The following FAF1 variants were observed in gnomAD, a reference collection of about 807,000 sequenced individuals.
FAF1 encodes Fas associated factor 1.
FAF1 carries 25 observed loss-of-function variants against 92.5 expected under a neutral mutation model. That is an observed-to-expected ratio of 0.27 (90% CI 0.20 to 0.38). The LOEUF is 0.38. Ranked by LOEUF, FAF1 falls within the 10% of genes least tolerant of loss-of-function variation. FAF1 has a pLI of 1.00. For synonymous variants in FAF1, 234 were observed against 273.2 expected (o/e 0.86, Z 1.42); for missense variants, 636 against 793.3 (o/e 0.80, Z 2.38).
At chr1:50,845,938 C>T (rs1644295193) in intron 2 of FAF1, among the ~76,000 whole-genome samples, 1 of 151,936 alleles carries the variant, frequency 6.6e-6, no homozygotes, top group South Asian at 2.1e-4. Context: ...ACCTGGCCAA[C>T]ATGAGGAAAC....
intron 4 of FAF1, among the ~76,000 whole-genome samples, chr1:50,760,435 A>C (rs1488539010): frequency 6.6e-6 from 1 of 152,200 alleles, no homozygotes; most frequent in African/African-American, 2.4e-5. Flanking sequence ...ACATAGATGG[A>C]AGTAAAGCTC....
At chr1:50,828,691 A>G (rs1254214872) in intron 2 of FAF1, among the ~76,000 whole-genome samples, 1 of 152,236 alleles carries the variant, frequency 6.6e-6, no homozygotes, top group Admixed American at 6.5e-5. Context: ...TTAAATATAA[A>G]AGGTAAAAAC....
At chr1:50,499,887 C>G (rs1001648923) in intron 15 of FAF1, among the ~76,000 whole-genome samples, 1 of 152,046 alleles carries the variant, frequency 6.6e-6, no homozygotes, top group East Asian at 1.9e-4. Flanking sequence ...AACAAATACT[C>G]AGAACTTACA....
chr1:50,936,496 A>G (rs1645086145), intron 1 of FAF1, among the ~76,000 whole-genome samples: 2 of 152,210 alleles, frequency 1.3e-5, no homozygotes, highest in Non-Finnish European at 2.9e-5. Flanking sequence ...ACACAAAATG[A>G]CGTAAGTTCA....
At chr1:50,601,606 C>A (rs192378778) in intron 8 of FAF1, among the ~76,000 whole-genome samples, 2 of 151,900 alleles carry the variant, frequency 1.3e-5, no homozygotes, top group Non-Finnish European at 2.9e-5. Context: ...TGTTTGAACC[C>A]GGGAGGCAGA....
chr1:50,959,693 GGAA>G lies in FAF1; in HGVS notation c.45+71_45+73del, dbSNP rs1645299514. On this transcript the variant is annotated intron_variant, in intron 1 of 18. Coordinates refer to ENST00000396153, the MANE Select transcript of FAF1 (RefSeq NM_007051.3). ...ACACCACTGCAGCGTTCAAACGCTGGGAAGAAGACTCCCTTGTGGCACCGGAAA... is the reference window on the plus strand; with the variant it reads ...ACACCACTGCAGCGTTCAAACGCTGGGAAGACTCCCTTGTGGCACCGGAAA... 3 of 1,341,526 alleles carry G rather than the reference GGAA, an allele frequency of 2.2e-6. No individual in the cohort carries two copies. In the Admixed American group the frequency reaches 5.4e-5, roughly 24 times the overall value. 83.1% of individuals were successfully genotyped at this position (1,341,526 alleles called of 1,614,324 possible).
intron 4 of FAF1, among the ~76,000 whole-genome samples, chr1:50,757,330 T>C (rs72902722): frequency 0.066 from 10,055 of 152,316 alleles, 412 homozygotes; most frequent in East Asian, 0.094. Flanking sequence ...TAATCTCCAA[T>C]TGTGAATTTA....
At chr1:50,883,746 G>A (rs1644633856) in intron 1 of FAF1, among the ~76,000 whole-genome samples, 1 of 152,072 alleles carries the variant, frequency 6.6e-6, no homozygotes, top group Non-Finnish European at 1.5e-5. Flanking sequence ...AATTTTTTCA[G>A]CATAACTAGG....
chr1:50,585,023 C>T (rs1024042699), intron 9 of FAF1, among the ~76,000 whole-genome samples: 24 of 152,152 alleles, frequency 1.6e-4, no homozygotes, highest in Admixed American at 7.9e-4. Flanking sequence ...CTCCAACCTT[C>T]GGGAAATGAA....
chr1:50,868,612 T>C (rs1310180386), intron 1 of FAF1, among the ~76,000 whole-genome samples: 2 of 152,218 alleles, frequency 1.3e-5, no homozygotes, highest in Admixed American at 6.5e-5. Flanking sequence ...TTCATTATCA[T>C]TCAGTTCAAA....
In FAF1 at chr1:50,759,824, A is replaced by AC. The variant is rs1660249666; in HGVS notation, c.368-15050dup. On this transcript the variant is annotated intron_variant, in intron 4 of 18. Transcript: ENST00000396153. ...CCTCTCCAGCACCTGTTGTTTCCTG[A>AC]CTTTTTAATGATCGTCATTCTAACT... Among the ~76,000 whole-genome samples, 3 of 152,120 alleles carry AC rather than the reference A, an allele frequency of 2.0e-5. 1 individual carries two copies. The South Asian group carries it at 6.2e-4, about 32-fold the overall frequency.
intron 1 of FAF1, among the ~76,000 whole-genome samples, chr1:50,884,980 TTTC>T (rs761711343): frequency 1.3e-5 from 2 of 152,156 alleles, no homozygotes; most frequent in Non-Finnish European, 2.9e-5. Context: ...AGGTTTTAGA[TTTC>T]TTTATGGTTG....
At chr1:50,472,603 G>T (rs1009973387) in intron 18 of FAF1, among the ~76,000 whole-genome samples, 1 of 152,078 alleles carries the variant, frequency 6.6e-6, no homozygotes, top group African/African-American at 2.4e-5. Flanking sequence ...TTTTGGTTGG[G>T]GGCGGGTGGC....
chr1:50,905,060 C>T (rs998790995), intron 1 of FAF1, among the ~76,000 whole-genome samples: 2 of 152,064 alleles, frequency 1.3e-5, no homozygotes, highest in African/African-American at 2.4e-5. Context: ...CAACAGGCCC[C>T]GGTGTGTGAT....
chr1:50,805,674 T>C (rs918746985), intron 2 of FAF1, among the ~76,000 whole-genome samples: 3 of 152,218 alleles, frequency 2.0e-5, no homozygotes, highest in Non-Finnish European at 2.9e-5. Flanking sequence ...ATCCTTTCTC[T>C]AATATACAGA....
At chr1:50,452,282 C>A (rs565719604) in intron 18 of FAF1, 2 of 560,398 alleles carry the variant, frequency 3.6e-6, no homozygotes, top group Non-Finnish European at 5.8e-6. Context: ...ATAAACTGGA[C>A]ACAGGCAAAT....
At chr1:50,932,443 G>A (rs1225614908) in intron 1 of FAF1, among the ~76,000 whole-genome samples, 1 of 152,204 alleles carries the variant, frequency 6.6e-6, no homozygotes, top group Non-Finnish European at 1.5e-5. Flanking sequence ...AATCCAGCGG[G>A]GCAGTTAAAT....
chr1:50,919,352 CTT>C (rs1169926155), intron 1 of FAF1, among the ~76,000 whole-genome samples: 1 of 151,682 alleles, frequency 6.6e-6, no homozygotes, highest in Non-Finnish European at 1.5e-5. Flanking sequence ...AAATGTAAGA[CTT>C]TTTTTATTAT....
chr1:50,871,703 A>G (rs1644529324), intron 1 of FAF1, among the ~76,000 whole-genome samples: 1 of 152,196 alleles, frequency 6.6e-6, no homozygotes, highest in Admixed American at 6.5e-5. Flanking sequence ...GCACTTGGTT[A>G]CTCAAGAGCT....
Sources: allele counts gnomAD v4.1 joint callset (sites outside exome capture counted in the v4.1 genomes callset), GRCh38; gene constraint gnomAD v4.1.1; transcripts MANE v1.5; gene names NCBI Gene and HGNC (gene_info 2026-07-23, HGNC 2026-07-21).